BOLL: variants seen among roughly 807,000 people sequenced by gnomAD.
BOLL encodes protein boule-like.
A neutral mutation model predicts 44.4 loss-of-function variants in BOLL; 23 were observed. The ratio of observed to expected loss-of-function variants is 0.52; its 90% CI spans 0.37 to 0.73. BOLL has a LOEUF of 0.73. Ranked by LOEUF, BOLL falls within the 30% of genes least tolerant of loss-of-function variation. BOLL has a pLI of 0.00. For synonymous variants in BOLL, 97 were observed against 110.8 expected (o/e 0.88, Z 0.78); for missense variants, 287 against 338.3 (o/e 0.85, Z 1.19).
intron 7 of BOLL, among the ~76,000 whole-genome samples, chr2:197,760,643 T>C (rs919182938): frequency 1.3e-5 from 2 of 152,158 alleles, no homozygotes; most frequent in Admixed American, 6.5e-5. Context: ...ACCACCATTG[T>C]CATAGACTCT....
intron 10 of BOLL, among the ~76,000 whole-genome samples, chr2:197,729,812 T>C (rs1366159565): frequency 6.6e-6 from 1 of 151,342 alleles, no homozygotes; most frequent in Non-Finnish European, 1.5e-5. Flanking sequence ...AACCCATCTG[T>C]ACATCACCAT....
At chr2:197,739,570 C>G (rs1200611104) in intron 10 of BOLL, among the ~76,000 whole-genome samples, 1 of 152,172 alleles carries the variant, frequency 6.6e-6, no homozygotes, top group African/African-American at 2.4e-5. Context: ...AGCAATCCTC[C>G]TACCTTGGCC....
chr2:197,777,554 T>G (rs1689577346), intron 3 of BOLL, among the ~76,000 whole-genome samples: 1 of 151,914 alleles, frequency 6.6e-6, no homozygotes, highest in African/African-American at 2.4e-5. Flanking sequence ...TGTAAATGTA[T>G]TATTTAATTA....
intron 7 of BOLL, among the ~76,000 whole-genome samples, chr2:197,760,085 C>A (rs1328049492): frequency 1.3e-5 from 2 of 152,162 alleles, no homozygotes; most frequent in South Asian, 2.1e-4. Context: ...GCCTGAAAAG[C>A]AGCCCCATAG....
chr2:197,738,756 T>C (rs1340179320), intron 10 of BOLL, among the ~76,000 whole-genome samples: 2 of 152,186 alleles, frequency 1.3e-5, no homozygotes, highest in Non-Finnish European at 2.9e-5. Context: ...CCAAAGAATA[T>C]TTCCACCTTT....
Position 197,754,750 on chromosome 2 carries a change from AACAC to A in BOLL, c.729+1674_729+1677del, listed in dbSNP as rs142614771. On this transcript the variant is annotated intron_variant, in intron 9 of 10. Coordinates refer to ENST00000392296, the MANE Select transcript of BOLL (RefSeq NM_033030.6). ...CAAAAAACAAACAAAAAAACCCCAA[AACAC>A]ACACACACACACACACACACACACA... Among the ~76,000 whole-genome samples, 568 of 150,072 alleles carry A rather than the reference AACAC, an allele frequency of 3.8e-3. 1 individual carries two copies. The highest frequency in any genetic ancestry group is 0.014 in the East Asian group (70 of 5,038).
intron 9 of BOLL, 45 bp downstream of exon 9, chr2:197,756,383 A>C: frequency 6.9e-7 from 1 of 1,448,308 alleles, no homozygotes; most frequent in Non-Finnish European, 9.2e-7. Context: ...AATAAATGTT[A>C]ACATGAGGTA....
chr2:197,763,976 A>G (rs1688875534), intron 7 of BOLL, among the ~76,000 whole-genome samples: 1 of 152,248 alleles, frequency 6.6e-6, no homozygotes, highest in Admixed American at 6.5e-5. Context: ...ACTGTAAATC[A>G]AAACCACAAT....
intron 10 of BOLL, among the ~76,000 whole-genome samples, chr2:197,729,342 C>T (rs1687023679): frequency 6.6e-6 from 1 of 152,200 alleles, no homozygotes; most frequent in Admixed American, 6.5e-5. Context: ...TGATTGCTAG[C>T]ACAGCAGTCT....
chr2:197,742,422 C>T (rs1234576971), intron 10 of BOLL, among the ~76,000 whole-genome samples: 7 of 152,122 alleles, frequency 4.6e-5, no homozygotes, highest in Admixed American at 4.6e-4. Flanking sequence ...CCCAAATGTC[C>T]AACAACGATA....
At chr2:197,735,650 T>C (rs1209509153) in intron 10 of BOLL, among the ~76,000 whole-genome samples, 3 of 152,160 alleles carry the variant, frequency 2.0e-5, no homozygotes, top group Admixed American at 2.0e-4. Flanking sequence ...AACTCTATTA[T>C]TTCTATAACT....
chr2:197,743,487 T>C (rs558637154), intron 9 of BOLL, among the ~76,000 whole-genome samples: 2 of 152,330 alleles, frequency 1.3e-5, no homozygotes, highest in African/African-American at 2.4e-5. Context: ...CATTGGAATA[T>C]AGAATACAAG....
intron 10 of BOLL, among the ~76,000 whole-genome samples, 153 bp downstream of exon 10, chr2:197,742,908 T>C (rs903405620): frequency 6.6e-6 from 1 of 152,150 alleles, no homozygotes; most frequent in African/African-American, 2.4e-5. Context: ...TAATTTAGAA[T>C]TATATTTCCT....
rs563391442 is a variant in BOLL at position 197,785,113 on chromosome 2, G to A, written c.-73C>T. 3 of 985,978 alleles carry A rather than the reference G, an allele frequency of 3.0e-6. No individual in the cohort carries two copies. The highest frequency in any genetic ancestry group is 3.5e-5 in the African/African-American group (2 of 57,354). The allele number at this position is 985,978 out of a possible 1,614,324, so 61.1% of individuals were successfully genotyped here. On this transcript the variant is annotated 5_prime_UTR_variant, in exon 1 of 11. Transcript: ENST00000392296. The surrounding 1 kb of genome is among the most constrained non-coding windows in gnomAD (Gnocchi z 6.7). The stretch of plus-strand genomic sequence containing the variant: ...TCCAAGGCCAGCAAGTTGCGGCACT[G>A]GGGGAAATGGCCGCGGCGACAACTT...
chr2:197,766,873 G>T (rs1359839559), intron 6 of BOLL, among the ~76,000 whole-genome samples: 4 of 151,906 alleles, frequency 2.6e-5, no homozygotes, highest in Admixed American at 1.3e-4. Context: ...CATCTCCAAA[G>T]ATTATGAAAA....
chr2:197,752,341 G>A (rs967701776), intron 9 of BOLL, among the ~76,000 whole-genome samples: 1 of 152,150 alleles, frequency 6.6e-6, no homozygotes, highest in Admixed American at 6.5e-5. Flanking sequence ...ATTCAAATAG[G>A]AAGACAGGAA....
intron 10 of BOLL, among the ~76,000 whole-genome samples, chr2:197,729,355 G>A (rs902098423): frequency 1.3e-5 from 2 of 152,224 alleles, no homozygotes; most frequent in African/African-American, 4.8e-5. Context: ...AGCAGTCTGA[G>A]CTCTAACTGC....
At chr2:197,759,456 C>A (rs1261022194) in intron 7 of BOLL, among the ~76,000 whole-genome samples, 2 of 152,136 alleles carry the variant, frequency 1.3e-5, no homozygotes, top group African/African-American at 4.8e-5. Flanking sequence ...GTACTCCCCA[C>A]CCCCTCAACC....
At chr2:197,784,395 T>TAC (rs1249486731) in intron 1 of BOLL, among the ~76,000 whole-genome samples, 44 of 1,740 alleles carry the variant, frequency 0.025, no homozygotes, top group African/African-American at 0.028. Context: ...CTAATACATA[T>TAC]ATATATATAT....
Sources: allele counts gnomAD v4.1 joint callset (sites outside exome capture counted in the v4.1 genomes callset), GRCh38; gene constraint gnomAD v4.1.1; non-coding constraint Gnocchi (gnomAD v3.1); transcripts MANE v1.5; gene names NCBI Gene and HGNC (gene_info 2026-07-23, HGNC 2026-07-21).